Variants in PTPRN2 observed in about 807,000 individuals in gnomAD.
PTPRN2 encodes the protein receptor-type tyrosine-protein phosphatase N2.
In PTPRN2, 74 loss-of-function variants were observed where a neutral mutation model predicts 118.8. The observed-to-expected ratio is 0.62, with a 90% CI of 0.52 to 0.76. The LOEUF (loss-of-function observed/expected upper bound fraction) is 0.76, where lower values mean the gene tolerates loss of function less well. Among genes scored for constraint, PTPRN2 ranks in the 30% least tolerant of loss-of-function variants. The pLI is 0.00. For missense variants in PTPRN2, 1,481 were observed against 1,394.4 expected, an observed-to-expected ratio of 1.06 and a Z score of -0.99; for synonymous variants, 641 against 608.0, an observed-to-expected ratio of 1.05 and a Z score of -0.80.
At chr7:157,800,998 T>C (rs1283575420) in intron 12 of PTPRN2, among the ~76,000 whole-genome samples, 1 of 150,666 alleles carries the variant, frequency 6.6e-6, no homozygotes, top group Non-Finnish European at 1.5e-5. Flanking sequence ...CACATATATA[T>C]ACACACATAT....
chr7:157,828,068 GT>G (rs1221309287), intron 12 of PTPRN2, among the ~76,000 whole-genome samples: 1 of 152,184 alleles, frequency 6.6e-6, no homozygotes, highest in Non-Finnish European at 1.5e-5. Context: ...AGTACATTTC[GT>G]AAGTTCTGGT....
At chr7:157,795,173 G>C (rs987305155) in intron 12 of PTPRN2, among the ~76,000 whole-genome samples, 6 of 144,874 alleles carry the variant, frequency 4.1e-5, no homozygotes, top group East Asian at 2.1e-4. Flanking sequence ...GGGGCGGGGG[G>C]GGCTCAAGCT....
chr7:158,556,981 A>G (rs1827061353), intron 1 of PTPRN2, among the ~76,000 whole-genome samples: 1 of 140,150 alleles, frequency 7.1e-6, no homozygotes, highest in Non-Finnish European at 1.5e-5. Flanking sequence ...CGCACAGGTC[A>G]GGCGGCTCCC....
At chr7:157,649,305 T>C (rs7811455) in intron 14 of PTPRN2, among the ~76,000 whole-genome samples, 6,454 of 28,610 alleles carry the variant, frequency 0.23, 739 homozygotes, top group Admixed American at 0.32. Context: ...GCACTGAACT[T>C]GGTGGGTCGG....
Position 158,565,150 on chromosome 7 carries a change from C to T in PTPRN2, c.112+22408G>A, listed in dbSNP as rs1586951314. Among the ~76,000 whole-genome samples the T allele has an allele frequency of 6.6e-6, 1 of 152,248 alleles. No individual in the cohort carries two copies. The highest frequency in any genetic ancestry group is 3.4e-3 in the Middle Eastern group (1 of 294). Reference sequence around the variant, plus strand: ...TCTGCTCTATAAAACTATGAGGTTCCCAGGAACATGACACAGTCCGTGCTA... The same window carrying T: ...TCTGCTCTATAAAACTATGAGGTTCTCAGGAACATGACACAGTCCGTGCTA... On this transcript the variant is annotated intron_variant, in intron 1 of 22. Transcript: ENST00000389418. This position sits in a 1 kb window ranked among gnomAD's most constrained non-coding sequence, Gnocchi z 4.6.
chr7:158,575,709 T>C (rs896703140), intron 1 of PTPRN2, among the ~76,000 whole-genome samples: 5 of 152,180 alleles, frequency 3.3e-5, no homozygotes, highest in Non-Finnish European at 4.4e-5. Flanking sequence ...CTGTGGAGGA[T>C]ACAAGAGGCA....
At chr7:158,181,374 A>C (rs1040646411) in intron 5 of PTPRN2, among the ~76,000 whole-genome samples, 1 of 152,150 alleles carries the variant, frequency 6.6e-6, no homozygotes, top group African/African-American at 2.4e-5. Flanking sequence ...CTCTATGTTC[A>C]TCAGGGATAT....
chr7:157,811,979 G>A (rs949737113), intron 12 of PTPRN2, among the ~76,000 whole-genome samples: 11 of 152,152 alleles, frequency 7.2e-5, no homozygotes, highest in Non-Finnish European at 1.0e-4. Flanking sequence ...GACCACCCTC[G>A]ACTTAAGACA....
At chr7:158,171,105 CATAT>C (rs1201240473) in intron 5 of PTPRN2, among the ~76,000 whole-genome samples, 1 of 115,160 alleles carries the variant, frequency 8.7e-6, no homozygotes, top group Non-Finnish European at 1.7e-5. Context: ...TATATATACA[CATAT>C]ATATACACAC....
chr7:157,613,730 C>T (rs1436858575), intron 15 of PTPRN2, among the ~76,000 whole-genome samples: 1 of 152,204 alleles, frequency 6.6e-6, no homozygotes, highest in Admixed American at 6.5e-5. Flanking sequence ...CCTAACCCGG[C>T]GGCCGTGGAT....
chr7:158,365,868 C>A (rs1809436171), intron 2 of PTPRN2, among the ~76,000 whole-genome samples: 1 of 75,116 alleles, frequency 1.3e-5, no homozygotes, highest in Non-Finnish European at 2.9e-5. Context: ...ACACAGCATC[C>A]CTGGGAGAAG....
At chr7:158,182,508 G>A (rs928895939) in intron 5 of PTPRN2, among the ~76,000 whole-genome samples, 1 of 152,022 alleles carries the variant, frequency 6.6e-6, no homozygotes, top group Non-Finnish European at 1.5e-5. Context: ...GGTGTGTGTT[G>A]TTCCCCTCCT....
rs530316853 is a variant in PTPRN2, at chr7:158,429,060, C to T, written c.163+60675G>A. Among the ~76,000 whole-genome samples the T allele has an allele frequency of 2.6e-5, 4 of 152,330 alleles. No homozygotes were observed. In the East Asian group the frequency reaches 5.8e-4, roughly 22 times the overall value. ...TGAGACCAAGGCTTTGGACTCCTAG[C>T]ACTGGCTGTCTCGCTTGCTAAACCG... On this transcript the variant is annotated intron_variant, in intron 2 of 22. Coordinates refer to ENST00000389418, the MANE Select transcript of PTPRN2 (RefSeq NM_002847.5).
rs1447354317 is a variant in PTPRN2, at chr7:158,089,727, C to T, written c.1644-8350G>A. Reference sequence around the variant, plus strand: ...TTCACACACATCCTTCCTCCCCTGACAAAAGAGGGGGTCTTCACACAAACC... The same window carrying T: ...TTCACACACATCCTTCCTCCCCTGATAAAAGAGGGGGTCTTCACACAAACC... On this transcript the variant is annotated intron_variant, in intron 10 of 22. Coordinates refer to ENST00000389418, the MANE Select transcript of PTPRN2 (RefSeq NM_002847.5). Among the ~76,000 whole-genome samples the T allele has an allele frequency of 4.9e-4, 58 of 118,564 alleles. 2 individuals carry two copies. The highest frequency in any genetic ancestry group is 9.7e-4 in the African/African-American group (26 of 26,882). 77.8% of individuals were successfully genotyped at this position (118,564 alleles called of 152,430 possible).
intron 22 of PTPRN2, among the ~76,000 whole-genome samples, chr7:157,547,228 T>C (rs984190402): frequency 6.6e-6 from 1 of 152,220 alleles, no homozygotes; most frequent in Non-Finnish European, 1.5e-5. Context: ...TGGTAATGTG[T>C]GCCCCGTTCT....
intron 2 of PTPRN2, among the ~76,000 whole-genome samples, chr7:158,317,725 A>C (rs1164221062): frequency 6.6e-6 from 1 of 152,156 alleles, no homozygotes. Flanking sequence ...GGCGGGGCGG[A>C]AGGGGAAATG....
At chr7:158,057,380 C>T (rs938640945) in intron 11 of PTPRN2, among the ~76,000 whole-genome samples, 10 of 152,288 alleles carry the variant, frequency 6.6e-5, no homozygotes, top group South Asian at 2.1e-4. Flanking sequence ...TGAACTTCCA[C>T]GTTACAGGCA....
chr7:158,086,183 G>A (rs982768888), intron 10 of PTPRN2, among the ~76,000 whole-genome samples: 1 of 152,158 alleles, frequency 6.6e-6, no homozygotes, highest in African/African-American at 2.4e-5. Flanking sequence ...TTTTCAAACA[G>A]AACAGGCAGA....
At chr7:158,165,323 G>A (rs952354329) in intron 6 of PTPRN2, among the ~76,000 whole-genome samples, 9 of 152,218 alleles carry the variant, frequency 5.9e-5, no homozygotes, top group East Asian at 1.9e-4. Flanking sequence ...GAGAGGTGCT[G>A]GAGGGAAAGT....
Sources: gnomAD v4.1 joint callset for allele counts (sites outside exome capture counted in the v4.1 genomes callset) on GRCh38, gnomAD v4.1.1 for gene constraint, Gnocchi (gnomAD v3.1) non-coding constraint, MANE v1.5 for transcripts, NCBI Gene and HGNC (gene_info 2026-07-23, HGNC 2026-07-21) for gene names.